The following DTNB variants were observed in gnomAD, a reference collection of about 807,000 sequenced individuals.
The protein encoded by DTNB is DTN-B.
A neutral mutation model predicts 90.7 loss-of-function variants in DTNB; 63 were observed. The ratio of observed to expected loss-of-function variants is 0.69; its 90% CI spans 0.57 to 0.86. The LOEUF is 0.86. DTNB is among the 40% of genes least tolerant of loss of function. DTNB has a pLI of 0.00. For synonymous variants in DTNB, 277 were observed against 286.7 expected (o/e 0.97, Z 0.34); for missense variants, 744 against 807.1 (o/e 0.92, Z 0.95).
At chr2:25,490,277 G>A (rs1216422030) in intron 9 of DTNB, among the ~76,000 whole-genome samples, 1 of 152,026 alleles carries the variant, frequency 6.6e-6, no homozygotes, top group Non-Finnish European at 1.5e-5. Context: ...TCCTGTCTCG[G>A]TGGCGGGCAG....
chr2:25,523,593 A>T (rs1466129584), intron 9 of DTNB, among the ~76,000 whole-genome samples: 1 of 149,834 alleles, frequency 6.7e-6, no homozygotes, highest in Non-Finnish European at 1.5e-5. Context: ...GTGAGCTGAG[A>T]TCACACCAGT....
intron 10 of DTNB, among the ~76,000 whole-genome samples, chr2:25,471,206 G>A (rs2062745052): frequency 6.6e-6 from 1 of 152,206 alleles, no homozygotes. Flanking sequence ...CTCTGGCACA[G>A]CCAGGTTATG....
chr2:25,496,210 T>C (rs1333266000), intron 9 of DTNB, among the ~76,000 whole-genome samples: 3 of 152,202 alleles, frequency 2.0e-5, no homozygotes, highest in African/African-American at 7.2e-5. Context: ...TCGAGAGTCT[T>C]ATAAACCGGA....
At chr2:25,554,317 A>AAT (rs1248009935) in intron 8 of DTNB, among the ~76,000 whole-genome samples, 1 of 152,206 alleles carries the variant, frequency 6.6e-6, no homozygotes, top group Non-Finnish European at 1.5e-5. Context: ...ACATTAGTTT[A>AAT]ATATCATGGA....
chr2:25,410,700 G>C (rs528126256), intron 16 of DTNB, among the ~76,000 whole-genome samples: 1 of 152,106 alleles, frequency 6.6e-6, no homozygotes, highest in Non-Finnish European at 1.5e-5. Flanking sequence ...TGACGAGGCG[G>C]GGGGGCAATG....
At chr2:25,471,785 C>T (rs1199849996) in intron 10 of DTNB, among the ~76,000 whole-genome samples, 1 of 152,010 alleles carries the variant, frequency 6.6e-6, no homozygotes, top group South Asian at 2.1e-4. Flanking sequence ...TCCCCACCCC[C>T]CCATTTATGT....
At chr2:25,467,241 C>T (rs866054999) in intron 10 of DTNB, among the ~76,000 whole-genome samples, 28 of 151,818 alleles carry the variant, frequency 1.8e-4, no homozygotes, top group Non-Finnish European at 1.8e-4. Context: ...TACTATACTA[C>T]GAATGAAGAA....
intron 15 of DTNB, among the ~76,000 whole-genome samples, chr2:25,426,432 C>CT (rs767540445): frequency 6.6e-6 from 1 of 152,224 alleles, no homozygotes; most frequent in Non-Finnish European, 1.5e-5. Flanking sequence ...ATAATCCATT[C>CT]TACTGCTGAT....
intron 8 of DTNB, among the ~76,000 whole-genome samples, chr2:25,564,915 G>A (rs996067815): frequency 7.2e-5 from 11 of 152,106 alleles, no homozygotes; most frequent in Non-Finnish European, 1.5e-5. Context: ...AAGTAACGGG[G>A]AAACCACAAT....
chr2:25,596,487 A>T (rs2064669275), intron 5 of DTNB: 1 of 275,260 alleles, frequency 3.6e-6, no homozygotes, highest in African/African-American at 2.2e-5. Flanking sequence ...TTCATGTGTG[A>T]CTATCCTACT....
intron 2 of DTNB, among the ~76,000 whole-genome samples, chr2:25,651,080 C>G (rs2080836062): frequency 1.3e-5 from 2 of 152,120 alleles, no homozygotes; most frequent in South Asian, 4.1e-4. Context: ...GAAATTATTG[C>G]TTTGGTTCAG....
At chr2:25,425,707 C>T (rs1024173707) in intron 15 of DTNB, among the ~76,000 whole-genome samples, 2 of 152,162 alleles carry the variant, frequency 1.3e-5, no homozygotes, top group Non-Finnish European at 2.9e-5. Flanking sequence ...GCTGTTAACT[C>T]GATATCATAC....
At chr2:25,651,895 A>C (rs1359111149) in intron 2 of DTNB, among the ~76,000 whole-genome samples, 2 of 152,190 alleles carry the variant, frequency 1.3e-5, no homozygotes, top group Non-Finnish European at 2.9e-5. Flanking sequence ...AGAGTACAGT[A>C]CTTTTGAAAG....
At chr2:25,634,066 G>T (rs942355974) in intron 3 of DTNB, among the ~76,000 whole-genome samples, 1 of 152,004 alleles carries the variant, frequency 6.6e-6, no homozygotes, top group Non-Finnish European at 1.5e-5. Context: ...CAGCCAGGAG[G>T]GAGGTGGGGG....
chr2:25,402,429 G>C (rs918537303), intron 16 of DTNB, among the ~76,000 whole-genome samples: 2 of 152,088 alleles, frequency 1.3e-5, no homozygotes, highest in Non-Finnish European at 2.9e-5. Flanking sequence ...TAAGTGCTGC[G>C]GAGTCTTTTA....
chr2:25,482,422 T>C (rs2065156834), intron 10 of DTNB, among the ~76,000 whole-genome samples: 1 of 152,048 alleles, frequency 6.6e-6, no homozygotes, highest in African/African-American at 2.4e-5. Context: ...AGAGCAAAAA[T>C]GATCTTTGAC....
chr2:25,557,983 G>A (rs2057650460), intron 8 of DTNB, among the ~76,000 whole-genome samples: 1 of 152,202 alleles, frequency 6.6e-6, no homozygotes. Context: ...ACTAAGAACT[G>A]CAGAAATTTA....
At chr2:25,490,835 C>A (rs1488500172) in intron 9 of DTNB, among the ~76,000 whole-genome samples, 1 of 152,072 alleles carries the variant, frequency 6.6e-6, no homozygotes, top group Admixed American at 6.6e-5. Context: ...TTTATGCTGT[C>A]TTCACAATAG....
chr2:25,579,976 CTTTTTTTTTTT>C (rs59639406), intron 7 of DTNB, among the ~76,000 whole-genome samples: 3 of 52,964 alleles, frequency 5.7e-5, no homozygotes, highest in African/African-American at 2.3e-4. Flanking sequence ...AGTATCCTTT[CTTTTTTTTTTT>C]TTTTTTTTTT....
Sources: allele counts gnomAD v4.1 joint callset (sites outside exome capture counted in the v4.1 genomes callset), GRCh38; gene constraint gnomAD v4.1.1; transcripts MANE v1.5; gene names NCBI Gene and HGNC (gene_info 2026-07-23, HGNC 2026-07-21).